LPIN1: variants seen among roughly 807,000 people sequenced by gnomAD.
LPIN1 encodes lipin 1.
A neutral mutation model predicts 107.5 loss-of-function variants in LPIN1; 71 were observed. The ratio of observed to expected loss-of-function variants is 0.66; its 90% CI spans 0.55 to 0.80. The LOEUF (loss-of-function observed/expected upper bound fraction) is 0.80. LPIN1 is among the 30% of genes least tolerant of loss of function. LPIN1 has a pLI of 0.00. For missense variants in LPIN1, 1,043 were observed against 1,160.6 expected, an observed-to-expected ratio of 0.90 and a Z score of 1.47; for synonymous variants, 445 against 452.6, an observed-to-expected ratio of 0.98 and a Z score of 0.21.
chr2:11,799,692 G>T (rs970914943), intron 14 of LPIN1, among the ~76,000 whole-genome samples: 6 of 151,766 alleles, frequency 4.0e-5, no homozygotes, highest in African/African-American at 1.5e-4. Flanking sequence ...CCTTTGCTGG[G>T]GCTTATGTCT....
chr2:11,752,160 T>G (rs1667898320), intron 1 of LPIN1, among the ~76,000 whole-genome samples: 1 of 152,210 alleles, frequency 6.6e-6, no homozygotes, highest in African/African-American at 2.4e-5. Context: ...GTTGCTAGGG[T>G]TTGCCAATAG....
chr2:11,760,661 G>C (rs1669669981), intron 1 of LPIN1, among the ~76,000 whole-genome samples: 1 of 152,150 alleles, frequency 6.6e-6, no homozygotes, highest in Non-Finnish European at 1.5e-5. Context: ...GGCATCAGAG[G>C]GAGACCGTGG....
chr2:11,793,362 C>T (rs1453285030), intron 13 of LPIN1, among the ~76,000 whole-genome samples: 1 of 152,222 alleles, frequency 6.6e-6, no homozygotes, highest in Admixed American at 6.5e-5. Context: ...GGTCTCTTTG[C>T]ACCCATCCTC....
intron 2 of LPIN1, among the ~76,000 whole-genome samples, chr2:11,767,066 G>A (rs1175338477): frequency 6.6e-6 from 1 of 152,210 alleles, no homozygotes; most frequent in Non-Finnish European, 1.5e-5. Flanking sequence ...TTCTGGAAGA[G>A]CAGGTAGGAC....
At chr2:11,770,281 C>A (rs1671632223) in intron 3 of LPIN1, among the ~76,000 whole-genome samples, 1 of 152,154 alleles carries the variant, frequency 6.6e-6, no homozygotes, top group South Asian at 2.1e-4. Flanking sequence ...GGGGTGGGGC[C>A]TTGGAGGCCA....
chr2:11,815,767 A>G (rs1443014634), intron 18 of LPIN1, among the ~76,000 whole-genome samples: 1 of 151,946 alleles, frequency 6.6e-6, no homozygotes, highest in African/African-American at 2.4e-5. Context: ...TTCTGGGAAC[A>G]CTGTTCATTT....
chr2:11,683,723 A>C (rs1173648591), intron 1 of LPIN1, among the ~76,000 whole-genome samples: 1 of 152,100 alleles, frequency 6.6e-6, no homozygotes, highest in Non-Finnish European at 1.5e-5. Flanking sequence ...CCTGCCCTGC[A>C]CTGCCGCTCT....
In LPIN1 at chr2:11,707,606, G is replaced by A. The variant is rs529789885; in HGVS notation, c.82-6150G>A. 2.6e-3 allele frequency among the ~76,000 whole-genome samples: 395 copies of A among 152,292 alleles called. No homozygotes were observed. The highest frequency in any genetic ancestry group is 4.7e-3 in the Non-Finnish European group (322 of 68,016). On this transcript the variant is annotated intron_variant, in intron 1 of 21. Coordinates refer to the LPIN1 transcript ENST00000449576. The surrounding 1 kb of genome is among the most constrained non-coding windows in gnomAD (Gnocchi z 4.2). ...GCTGTGGAGCCATTGCTGGAGCTGCGGGAGAGAGCAGCGTGGCTGGGACTG... is the reference window on the plus strand; with the variant it reads ...GCTGTGGAGCCATTGCTGGAGCTGCAGGAGAGAGCAGCGTGGCTGGGACTG...
At chr2:11,741,546 C>T (rs555643081) in intron 2 of LPIN1, 1 of 780,450 alleles carries the variant, frequency 1.3e-6, no homozygotes, top group East Asian at 2.8e-5. Context: ...AACATTGCCA[C>T]TCGAGCTCAG....
chr2:11,739,828 A>C (rs1314339849), intron 1 of LPIN1, among the ~76,000 whole-genome samples: 1 of 152,256 alleles, frequency 6.6e-6, no homozygotes, highest in Non-Finnish European at 1.5e-5. Context: ...GAATTAGATG[A>C]GGGTGTTAAA....
intron 1 of LPIN1, among the ~76,000 whole-genome samples, chr2:11,735,723 G>A (rs1014933236): frequency 3.3e-5 from 5 of 152,200 alleles, no homozygotes; most frequent in Non-Finnish European, 4.4e-5. Flanking sequence ...CAACAGGCAC[G>A]TGCCAAAGTG....
intron 13 of LPIN1, among the ~76,000 whole-genome samples, chr2:11,793,727 T>C (rs1468650884): frequency 6.6e-6 from 1 of 152,240 alleles, no homozygotes; most frequent in Non-Finnish European, 1.5e-5. Context: ...GAGTCTGGTC[T>C]GCTGTCCTCT....
chr2:11,703,271 G>A (rs1348332845), intron 1 of LPIN1, among the ~76,000 whole-genome samples: 3 of 152,128 alleles, frequency 2.0e-5, no homozygotes, highest in Non-Finnish European at 4.4e-5. Flanking sequence ...TCTGGGAGCT[G>A]CTGCCTGCTG....
intron 17 of LPIN1, among the ~76,000 whole-genome samples, chr2:11,809,861 G>A (rs1294191059): frequency 6.6e-6 from 1 of 152,170 alleles, no homozygotes; most frequent in East Asian, 1.9e-4. Flanking sequence ...TCAGGAGTCG[G>A]GCCAGGATCC....
intron 1 of LPIN1, among the ~76,000 whole-genome samples, chr2:11,686,071 G>A (rs539104707): frequency 5.9e-5 from 9 of 152,260 alleles, no homozygotes; most frequent in African/African-American, 1.7e-4. Flanking sequence ...ACAGCAGCTC[G>A]CTTTTAGAAT....
chr2:11,678,758 G>T (rs935315217), intron 1 of LPIN1, among the ~76,000 whole-genome samples: 1 of 152,198 alleles, frequency 6.6e-6, no homozygotes, highest in South Asian at 2.1e-4. Context: ...CGTGGATCCT[G>T]CTCCCACCTC....
intron 17 of LPIN1, among the ~76,000 whole-genome samples, chr2:11,813,124 T>C (rs1296606761): frequency 1.3e-5 from 2 of 151,956 alleles, no homozygotes; most frequent in African/African-American, 2.4e-5. Context: ...GAGGTACCCA[T>C]TTTGGAGTGC....
intron 11 of LPIN1, 93 bp downstream of exon 11, chr2:11,787,260 T>C: frequency 1.1e-6 from 1 of 903,814 alleles, no homozygotes; most frequent in Admixed American, 1.8e-5. Flanking sequence ...CTTAGAAATA[T>C]ATAAAATAAA....
At chr2:11,733,944 C>A (rs62113296) in intron 1 of LPIN1, among the ~76,000 whole-genome samples, 10,478 of 152,250 alleles carry the variant, frequency 0.069, 516 homozygotes, top group Middle Eastern at 0.16. Context: ...AAATTCAATG[C>A]GATTAAATGT....
Sources: allele counts gnomAD v4.1 joint callset (sites outside exome capture counted in the v4.1 genomes callset), GRCh38; gene constraint gnomAD v4.1.1; non-coding constraint Gnocchi (gnomAD v3.1); transcripts MANE v1.5; gene names NCBI Gene and HGNC (gene_info 2026-07-23, HGNC 2026-07-21).